CHD2: variants seen among roughly 807,000 people sequenced by gnomAD.
CHD2 encodes ATP-dependent chromatin remodeler CHD2.
CHD2 carries 28 observed loss-of-function variants against 243.9 expected under a neutral mutation model. The observed-to-expected ratio is 0.11, with a 90% CI of 0.09 to 0.16. The LOEUF (loss-of-function observed/expected upper bound fraction) is 0.16. CHD2 is among the 10% of genes least tolerant of loss of function. The probability of loss-of-function intolerance (pLI) is 1.00; values close to 1 mark genes in which losing one functional copy is unlikely to be tolerated. For synonymous variants in CHD2, 775 were observed against 779.0 expected, an observed-to-expected ratio of 0.99 and a Z score of 0.09; for missense variants, 1,386 against 2,209.8, an observed-to-expected ratio of 0.63 and a Z score of 7.47.
intron 13 of CHD2, among the ~76,000 whole-genome samples, chr15:92,953,054 C>T (rs2053574940): frequency 6.6e-6 from 1 of 152,160 alleles, no homozygotes; most frequent in Admixed American, 6.5e-5. Context: ...CCTGTCTTCT[C>T]TGTGATAAAA....
At chr15:92,944,580 A>G in intron 10 of CHD2, 65 bp downstream of exon 10, 1 of 783,784 alleles carries the variant, frequency 1.3e-6, no homozygotes, top group Non-Finnish European at 2.0e-6. Context: ...TTGCTTTTGG[A>G]AGTAATGTAA....
At chr15:92,901,329 T>C (rs773244307) in intron 2 of CHD2, 30 bp downstream of exon 2, 2 of 1,464,126 alleles carry the variant, frequency 1.4e-6, no homozygotes, top group South Asian at 2.4e-5. Context: ...TTCCTTTTTG[T>C]CTTTTTTTTT....
chr15:92,980,511 C>T (rs540523492), intron 22 of CHD2, among the ~76,000 whole-genome samples: 1 of 152,242 alleles, frequency 6.6e-6, no homozygotes, highest in Non-Finnish European at 1.5e-5. Context: ...TGAATTATAA[C>T]TTTCTGAGTA....
intron 24 of CHD2, among the ~76,000 whole-genome samples, chr15:92,983,444 A>G (rs537537110): frequency 1.3e-5 from 2 of 152,320 alleles, no homozygotes; most frequent in South Asian, 2.1e-4. Flanking sequence ...GTCATAAAGT[A>G]AGAGTCTTAA....
In CHD2 at chr15:92,979,242, C is replaced by T. The variant is rs752124959; in HGVS notation, c.2835C>T (p.Thr945=). 1.2e-5 allele frequency: 19 copies of T among 1,613,906 alleles called. No homozygotes were observed. The African/African-American group carries it at 2.4e-4, about 20-fold the overall frequency. Reference sequence around the variant, plus strand: ...ATCTGGTGATTCAGCGCATGGACACCACTGGCCGGACGATCCTGGAAAACA... The same window carrying T: ...ATCTGGTGATTCAGCGCATGGACACTACTGGCCGGACGATCCTGGAAAACA... The part of the protein sequence containing the change: ...LDHLVIQRMD[T]TGRTILENNS... The change falls in exon 22 of 39, where the codon ACC becomes ACT. Residue 945 remains threonine, a synonymous_variant. Coordinates refer to ENST00000394196, the MANE Select transcript of CHD2 (RefSeq NM_001271.4).
chr15:92,946,475 T>A, intron 12 of CHD2: 1 of 248,084 alleles, frequency 4.0e-6, no homozygotes. Context: ...TTAGGCACTT[T>A]TATTTTATTT....
At chr15:92,918,812 T>C (rs1250887881) in intron 2 of CHD2, among the ~76,000 whole-genome samples, 2 of 151,612 alleles carry the variant, frequency 1.3e-5, no homozygotes, top group African/African-American at 4.8e-5. Flanking sequence ...TACACACATA[T>C]ATACACATAT....
intron 36 of CHD2, among the ~76,000 whole-genome samples, chr15:93,013,148 A>T (rs2054413696): frequency 6.6e-6 from 1 of 152,222 alleles, no homozygotes; most frequent in Non-Finnish European, 1.5e-5. Context: ...AGCACTCAGG[A>T]GTATTTGTTA....
intron 20 of CHD2, 168 bp from the exon 21 acceptor site, chr15:92,978,066 T>G: frequency 1.4e-6 from 1 of 731,468 alleles, no homozygotes; most frequent in Non-Finnish European, 2.3e-6. Context: ...AAATGAAAAT[T>G]CATTCTACCA....
intron 8 of CHD2, 29 bp downstream of exon 8, chr15:92,941,984 T>G: frequency 6.3e-7 from 1 of 1,599,998 alleles, no homozygotes; most frequent in Non-Finnish European, 8.5e-7. Flanking sequence ...CAAATTACAT[T>G]TTATGTATGC....
chr15:92,964,007 G>A (rs1452236979), intron 16 of CHD2, among the ~76,000 whole-genome samples: 3 of 152,216 alleles, frequency 2.0e-5, no homozygotes, highest in Non-Finnish European at 4.4e-5. Flanking sequence ...CTCCTAAGTG[G>A]TCATAATTAG....
At chr15:93,010,855 C>T (rs1174724225) in intron 35 of CHD2, among the ~76,000 whole-genome samples, 2 of 152,192 alleles carry the variant, frequency 1.3e-5, no homozygotes, top group Non-Finnish European at 1.5e-5. Flanking sequence ...TTACTTTGAA[C>T]TTGTATATAG....
intron 16 of CHD2, chr15:92,965,518 C>G (rs993299683): frequency 7.0e-6 from 1 of 143,718 alleles, no homozygotes. Flanking sequence ...GAGCCGAGAT[C>G]GCACCACTGC....
At chr15:92,962,336 G>A (rs1005929162) in intron 16 of CHD2, among the ~76,000 whole-genome samples, 1 of 151,932 alleles carries the variant, frequency 6.6e-6, no homozygotes, top group Admixed American at 6.6e-5. Flanking sequence ...TCTATGCACT[G>A]CTTTAGCTGC....
At chr15:92,969,700 T>C (rs1399488785) in intron 17 of CHD2, among the ~76,000 whole-genome samples, 1 of 152,210 alleles carries the variant, frequency 6.6e-6, no homozygotes, top group Non-Finnish European at 1.5e-5. Flanking sequence ...ACTGATCTTA[T>C]GCCATACTAA....
chr15:92,981,562 C>T (rs930827169), intron 24 of CHD2, 105 bp downstream of exon 24: 3 of 802,382 alleles, frequency 3.7e-6, no homozygotes, highest in Middle Eastern at 2.3e-4. Context: ...TTCTCTTTAC[C>T]TGAATTGAGT....
At chr15:93,019,495 C>G (rs1204431568) in intron 37 of CHD2, among the ~76,000 whole-genome samples, 1 of 152,128 alleles carries the variant, frequency 6.6e-6, no homozygotes, top group African/African-American at 2.4e-5. Context: ...CCAGCAGCAA[C>G]AAGACCAAGA....
chr15:93,002,108 T>G, intron 32 of CHD2, 69 bp from the exon 33 acceptor site: 2 of 1,532,842 alleles, frequency 1.3e-6, no homozygotes, highest in Non-Finnish European at 1.7e-6. Context: ...CAGTGCTTCT[T>G]TTTCCAGAAA....
At chr15:93,020,295 T>C (rs961924918) in intron 38 of CHD2, 37 bp downstream of exon 38, 1 of 1,613,480 alleles carries the variant, frequency 6.2e-7, no homozygotes, top group Non-Finnish European at 8.5e-7. Context: ...GTGCCAACCT[T>C]TGCCAGGAGC....
Sources: gnomAD v4.1 joint callset for allele counts (sites outside exome capture counted in the v4.1 genomes callset) on GRCh38, gnomAD v4.1.1 for gene constraint, MANE v1.5 for transcripts, NCBI Gene and HGNC (gene_info 2026-07-23, HGNC 2026-07-21) for gene names.